PITPNC1: variants seen among roughly 807,000 people sequenced by gnomAD.
The protein encoded by PITPNC1 is cytoplasmic phosphatidylinositol transfer protein 1.
Under a neutral mutation model 44.7 loss-of-function variants are expected in PITPNC1, and 18 were observed. That is an observed-to-expected ratio of 0.40 (90% CI 0.28 to 0.60). The LOEUF (loss-of-function observed/expected upper bound fraction) is 0.60. Among genes scored for constraint, PITPNC1 ranks in the 20% least tolerant of loss-of-function variants. PITPNC1 has a pLI of 0.39. For synonymous variants in PITPNC1, 141 were observed against 149.6 expected (o/e 0.94, Z 0.42); for missense variants, 290 against 418.4 (o/e 0.69, Z 2.68).
intron 1 of PITPNC1, among the ~76,000 whole-genome samples, chr17:67,524,124 G>C (rs930763424): frequency 6.6e-6 from 1 of 152,068 alleles, no homozygotes; most frequent in African/African-American, 2.4e-5. Flanking sequence ...TTTTCTAATA[G>C]CCACATTTTA....
At chr17:67,512,028 T>C (rs11079695) in intron 1 of PITPNC1, among the ~76,000 whole-genome samples, 1 of 151,986 alleles carries the variant, frequency 6.6e-6, no homozygotes, top group South Asian at 2.1e-4. Flanking sequence ...ATTGCTGTTC[T>C]CTGCCTGCCA....
chr17:67,525,786 G>A (rs74704010), intron 1 of PITPNC1, among the ~76,000 whole-genome samples: 2,003 of 152,280 alleles, frequency 0.013, 44 homozygotes, highest in African/African-American at 0.046. Context: ...AGCATTAATG[G>A]TGATGTGAAG....
intron 2 of PITPNC1, among the ~76,000 whole-genome samples, chr17:67,550,497 G>A (rs1336163531): frequency 1.3e-5 from 2 of 151,742 alleles, no homozygotes; most frequent in East Asian, 1.9e-4. Context: ...TTTAGATTTC[G>A]CATCCAAGAG....
Position 67,504,860 on chromosome 17 carries a change from A to G in PITPNC1, c.49-27942A>G, listed in dbSNP as rs146150371. Among the ~76,000 whole-genome samples the G allele has an allele frequency of 5.1e-3, 780 of 152,250 alleles. 7 individuals carry two copies. Among genetic ancestry groups the G allele is most frequent in the African/African-American group, 0.018 (728 of 41,516 alleles). ...ATGCGAAATCTTTTTCTTTTTTAAT[A>G]TATGCATTTACAGCTATACACTTCT... On this transcript the variant is annotated intron_variant, in intron 1 of 8. Coordinates refer to ENST00000581322, the MANE Select transcript of PITPNC1 (RefSeq NM_012417.4).
intron 1 of PITPNC1, among the ~76,000 whole-genome samples, chr17:67,477,957 G>A (rs2039653574): frequency 6.6e-6 from 1 of 152,138 alleles, no homozygotes; most frequent in African/African-American, 2.4e-5. Flanking sequence ...GGTCCTTCCT[G>A]TTGAGAGTGA....
At chr17:67,570,139 G>T (rs371417731) in intron 4 of PITPNC1, among the ~76,000 whole-genome samples, 1 of 152,152 alleles carries the variant, frequency 6.6e-6, no homozygotes, top group African/African-American at 2.4e-5. Context: ...TGGTTTTGGC[G>T]ATTGGGTTGA....
chr17:67,573,697 G>A (rs2041095598), intron 4 of PITPNC1, among the ~76,000 whole-genome samples: 1 of 151,578 alleles, frequency 6.6e-6, no homozygotes, highest in African/African-American at 2.4e-5. Context: ...CGAGTAGCTG[G>A]GATTACAGGC....
Position 67,532,853 on chromosome 17 carries a change from G to T in PITPNC1, c.100G>T (p.Asp34Tyr). ...CAGCAAACACAGCCATGAACAGAGT[G>T]ACCGGGGAGAAGGGGTGGAGGTCGT... ...MISKHSHEQS[D>Y]RGEGVEVVQN... Residue 34 changes from aspartate to tyrosine, a missense_variant, in exon 2 of 9, where the codon GAC (aspartate) becomes TAC (tyrosine). Asp to Tyr is a radical substitution (Grantham distance 160, BLOSUM62 -3). Transcript: ENST00000581322. 1 of 1,593,322 alleles carries T rather than the reference G, an allele frequency of 6.3e-7. No individual in the cohort carries two copies. Among genetic ancestry groups the T allele is most frequent in the South Asian group, 1.1e-5 (1 of 87,150 alleles).
chr17:67,609,982 A>G (rs866983653), intron 5 of PITPNC1, among the ~76,000 whole-genome samples: 1 of 152,140 alleles, frequency 6.6e-6, no homozygotes, highest in Non-Finnish European at 1.5e-5. Flanking sequence ...CCACAGAGCT[A>G]TCTGCCCAGG....
intron 6 of PITPNC1, among the ~76,000 whole-genome samples, chr17:67,659,899 A>T (rs953483326): frequency 6.6e-6 from 1 of 152,020 alleles, no homozygotes; most frequent in Non-Finnish European, 1.5e-5. Flanking sequence ...TTTTTTTTAG[A>T]GACAGAGTCT....
intron 1 of PITPNC1, among the ~76,000 whole-genome samples, chr17:67,388,303 ATTAG>A (rs922624497): frequency 3.8e-4 from 56 of 149,266 alleles, no homozygotes; most frequent in African/African-American, 1.3e-3. Context: ...GAGTATGTAT[ATTAG>A]TTTTCGTTTC....
chr17:67,552,071 C>T (rs531915348), intron 2 of PITPNC1, among the ~76,000 whole-genome samples, 186 bp from the exon 3 acceptor site: 36 of 152,274 alleles, frequency 2.4e-4, no homozygotes, highest in African/African-American at 8.4e-4. Context: ...ATTTTGAGAG[C>T]ACTTGAATAT....
chr17:67,413,401 TTTTC>T lies in PITPNC1; in HGVS notation c.48+35227_48+35230del, dbSNP rs151166964. ...AAAAAGCACTTTATAATGTGCTTAATTTTCTTTCTTTCTTTCTTTCTTTCTTTCT... is the reference window on the plus strand; with the variant it reads ...AAAAAGCACTTTATAATGTGCTTAATTTTCTTTCTTTCTTTCTTTCTTTCT... On this transcript the variant is annotated intron_variant, in intron 1 of 8. Transcript: ENST00000581322. 4.7e-3 allele frequency among the ~76,000 whole-genome samples: 678 copies of T among 145,506 alleles called. 6 individuals carry two copies. The highest frequency in any genetic ancestry group is 0.013 in the African/African-American group (482 of 38,218).
At chr17:67,389,268 G>T (rs1043434553) in intron 1 of PITPNC1, among the ~76,000 whole-genome samples, 1 of 152,218 alleles carries the variant, frequency 6.6e-6, no homozygotes, top group Non-Finnish European at 1.5e-5. Context: ...AGATCTCTCC[G>T]ACTTGCTGTC....
At chr17:67,627,617 A>G (rs2041911405) in intron 5 of PITPNC1, among the ~76,000 whole-genome samples, 1 of 152,222 alleles carries the variant, frequency 6.6e-6, no homozygotes, top group African/African-American at 2.4e-5. Flanking sequence ...TTTTCTTTCT[A>G]GAAAGATGCA....
chr17:67,556,594 G>T (rs183953938), intron 4 of PITPNC1, among the ~76,000 whole-genome samples: 4 of 152,242 alleles, frequency 2.6e-5, no homozygotes, highest in African/African-American at 7.2e-5. Flanking sequence ...AGTATGTAAT[G>T]TGGGAACCCA....
intron 1 of PITPNC1, among the ~76,000 whole-genome samples, chr17:67,459,964 CT>C (rs1243311405): frequency 6.6e-6 from 1 of 152,170 alleles, no homozygotes; most frequent in East Asian, 1.9e-4. Context: ...ATTCCTTTTA[CT>C]GCCTCAGCCC....
intron 4 of PITPNC1, among the ~76,000 whole-genome samples, chr17:67,570,145 G>A (rs2041033261): frequency 6.6e-6 from 1 of 152,190 alleles, no homozygotes; most frequent in African/African-American, 2.4e-5. Context: ...TGGCGATTGG[G>A]TTGAGTGAAC....
At position 67,511,479 on chromosome 17, in the gene PITPNC1, C is replaced by T. The variant is rs184846864; in HGVS notation, c.49-21323C>T. Among the ~76,000 whole-genome samples, 38 of 152,194 alleles carry T rather than the reference C, an allele frequency of 2.5e-4. 1 individual carries two copies. The highest frequency in any genetic ancestry group is 2.1e-3 in the Admixed American group (32 of 15,292). The stretch of plus-strand genomic sequence containing the variant: ...CTTCCACCACATTGTGGACCGAGGT[C>T]GGTTCCCTTCACCTCGTCAATACTG... On this transcript the variant is annotated intron_variant, in intron 1 of 8. Transcript: ENST00000581322.
Sources: allele counts gnomAD v4.1 joint callset (sites outside exome capture counted in the v4.1 genomes callset), GRCh38; gene constraint gnomAD v4.1.1; transcripts MANE v1.5; gene names NCBI Gene and HGNC (gene_info 2026-07-23, HGNC 2026-07-21).